Variants in KLHL2 observed in about 807,000 individuals in gnomAD.
The protein encoded by KLHL2 is kelch like family member 2.
A neutral mutation model predicts 75.8 loss-of-function variants in KLHL2; 15 were observed. The ratio of observed to expected loss-of-function variants is 0.20; its 90% CI spans 0.13 to 0.30. KLHL2 has a LOEUF of 0.30. Among genes scored for constraint, KLHL2 ranks in the 10% least tolerant of loss-of-function variants. The pLI, the probability that KLHL2 is intolerant of heterozygous loss-of-function variation, is 1.00. For missense variants in KLHL2, 381 were observed against 741.0 expected (o/e 0.51, Z 5.64); for synonymous variants, 214 against 251.9 (o/e 0.85, Z 1.42).
intron 5 of KLHL2, among the ~76,000 whole-genome samples, chr4:165,270,015 TTTC>T (rs1742561023): frequency 6.6e-6 from 1 of 152,192 alleles, no homozygotes; most frequent in African/African-American, 2.4e-5. Flanking sequence ...GCTTTGTTCA[TTTC>T]TTTTCACTCT....
intron 5 of KLHL2, chr4:165,279,568 C>G: frequency 6.3e-7 from 1 of 1,598,574 alleles, no homozygotes; most frequent in Non-Finnish European, 8.6e-7. Flanking sequence ...AATTGAAAAC[C>G]AAAAAGCGCG....
intron 14 of KLHL2, among the ~76,000 whole-genome samples, chr4:165,320,524 A>T (rs1000866853): frequency 6.6e-6 from 1 of 152,126 alleles, no homozygotes; most frequent in African/African-American, 2.4e-5. Flanking sequence ...CCCTAAACAC[A>T]ATGTATCTAA....
intron 14 of KLHL2, among the ~76,000 whole-genome samples, chr4:165,321,149 CAAAA>C (rs1178417882): frequency 2.6e-5 from 4 of 152,058 alleles, no homozygotes; most frequent in Admixed American, 6.5e-5. Context: ...ATGAAAAAAA[CAAAA>C]AAGTCAGACA....
intron 5 of KLHL2, 131 bp downstream of exon 5, chr4:165,263,490 T>C: frequency 1.5e-6 from 2 of 1,315,004 alleles, no homozygotes; most frequent in South Asian, 1.6e-5. Flanking sequence ...TAAAATCTTA[T>C]AATGGTCACA....
At chr4:165,310,864 T>G in intron 10 of KLHL2, 114 bp downstream of exon 10, 1 of 858,606 alleles carries the variant, frequency 1.2e-6, no homozygotes, top group Non-Finnish European at 1.8e-6. Flanking sequence ...TGTTTTTTTT[T>G]TTTTTTTTGA....
At chr4:165,258,141 A>T (rs1272556247) in intron 4 of KLHL2, among the ~76,000 whole-genome samples, 1 of 152,174 alleles carries the variant, frequency 6.6e-6, no homozygotes, top group African/African-American at 2.4e-5. Flanking sequence ...CCCAAGAGAG[A>T]TATTTTGGCT....
chr4:165,242,312 TG>T, intron 4 of KLHL2, among the ~76,000 whole-genome samples: 1 of 152,296 alleles, frequency 6.6e-6, no homozygotes, highest in South Asian at 2.1e-4. Flanking sequence ...CTTTGACATT[TG>T]GTGGTTATGG....
chr4:165,297,576 T>A, intron 6 of KLHL2, 33 bp from the exon 7 acceptor site: 1 of 1,275,016 alleles, frequency 7.8e-7, no homozygotes, highest in South Asian at 1.2e-5. Context: ...ACAACTCATT[T>A]CTTATTTTTT....
chr4:165,214,883 A>G (rs1449109918), intron 1 of KLHL2, among the ~76,000 whole-genome samples: 1 of 146,960 alleles, frequency 6.8e-6, no homozygotes, highest in African/African-American at 2.5e-5. Context: ...GACTTGATGC[A>G]AGATCAGAAG....
chr4:165,263,805 G>GTTTTTTTTTT (rs55901119), intron 5 of KLHL2, among the ~76,000 whole-genome samples: 6 of 66,482 alleles, frequency 9.0e-5, no homozygotes, highest in Non-Finnish European at 1.6e-4. Context: ...TTTTTACATT[G>GTTTTTTTTTT]TTTTTTTTTT....
intron 3 of KLHL2, among the ~76,000 whole-genome samples, chr4:165,236,278 T>A (rs1377421340): frequency 2.0e-5 from 3 of 152,236 alleles, no homozygotes; most frequent in African/African-American, 7.2e-5. Context: ...CTCAGAGTTA[T>A]GTGATCAAAA....
chr4:165,207,778 G>C lies in KLHL2; in HGVS notation c.-99G>C. ...CGCGGCGCCCCCTCCGGGGCGGATGGAACGCGGCTCGGCGGGCGGGCAGTG... is the reference window on the plus strand; with the variant it reads ...CGCGGCGCCCCCTCCGGGGCGGATGCAACGCGGCTCGGCGGGCGGGCAGTG... On this transcript the variant is annotated 5_prime_UTR_variant, in exon 1 of 15. Coordinates refer to ENST00000226725, the MANE Select transcript of KLHL2 (RefSeq NM_007246.4). The surrounding 1 kb of genome is among the most constrained non-coding windows in gnomAD (Gnocchi z 4.2). The C allele has an allele frequency of 8.9e-7, 1 of 1,119,876 alleles. No homozygotes were observed. Among genetic ancestry groups the C allele is most frequent in the Non-Finnish European group, 1.2e-6 (1 of 827,314 alleles). The allele number at this position is 1,119,876 out of a possible 1,614,324, so 69.4% of individuals were successfully genotyped here.
intron 14 of KLHL2, among the ~76,000 whole-genome samples, chr4:165,320,853 G>A (rs72701618): frequency 0.24 from 35,993 of 152,088 alleles, 5,164 homozygotes; most frequent in Non-Finnish European, 0.34. Flanking sequence ...GGGTTTCAAG[G>A]TATGGATCTT....
intron 5 of KLHL2, among the ~76,000 whole-genome samples, chr4:165,276,437 C>G (rs1743108182): frequency 6.6e-6 from 1 of 152,156 alleles, no homozygotes. Flanking sequence ...AGGGATCACT[C>G]CCCACAGCCC....
At chr4:165,219,609 G>A in intron 1 of KLHL2, 1 of 927,856 alleles carries the variant, frequency 1.1e-6, no homozygotes, top group Non-Finnish European at 1.3e-6. Flanking sequence ...GTAAAAGCAA[G>A]TTAATTTCCA....
chr4:165,235,658 A>G (rs1335177833), intron 3 of KLHL2, among the ~76,000 whole-genome samples: 6 of 152,132 alleles, frequency 3.9e-5, no homozygotes, highest in African/African-American at 1.4e-4. Flanking sequence ...AAGAATTCAG[A>G]GGAGGAGAAC....
chr4:165,309,693 T>G (rs1195638357), intron 9 of KLHL2, among the ~76,000 whole-genome samples: 1 of 152,206 alleles, frequency 6.6e-6, no homozygotes, highest in African/African-American at 2.4e-5. Flanking sequence ...ATATTATTCC[T>G]CTTTTGGTTG....
At chr4:165,297,953 A>G (rs1745042221) in intron 7 of KLHL2, among the ~76,000 whole-genome samples, 1 of 151,940 alleles carries the variant, frequency 6.6e-6, no homozygotes, top group South Asian at 2.1e-4. Context: ...CCTACTGAGT[A>G]GCTGGGACTA....
At chr4:165,290,616 C>T (rs1184835486) in intron 5 of KLHL2, among the ~76,000 whole-genome samples, 5 of 152,010 alleles carry the variant, frequency 3.3e-5, no homozygotes, top group African/African-American at 1.2e-4. Flanking sequence ...CAGGAATTAG[C>T]GGGATTATAT....
Sources: gnomAD v4.1 joint callset for allele counts (sites outside exome capture counted in the v4.1 genomes callset) on GRCh38, gnomAD v4.1.1 for gene constraint, Gnocchi (gnomAD v3.1) non-coding constraint, MANE v1.5 for transcripts, NCBI Gene and HGNC (gene_info 2026-07-23, HGNC 2026-07-21) for gene names.